The following PARM1 variants were observed in gnomAD, a reference collection of about 807,000 sequenced individuals.
PARM1 encodes WSC4, cell wall integrity and stress response component 4 homolog.
A neutral mutation model predicts 24.6 loss-of-function variants in PARM1; 14 were observed. The ratio of observed to expected loss-of-function variants is 0.57; its 90% confidence interval spans 0.38 to 0.89. The LOEUF is 0.89. Among genes scored for constraint, PARM1 ranks in the 40% least tolerant of loss-of-function variants. The pLI, the probability that PARM1 is intolerant of heterozygous loss-of-function variation, is 0.00. For synonymous variants in PARM1, 179 were observed against 156.6 expected, an observed-to-expected ratio of 1.14 and a Z score of -1.07; for missense variants, 362 against 380.4, an observed-to-expected ratio of 0.95 and a Z score of 0.40.
intron 1 of PARM1, among the ~76,000 whole-genome samples, chr4:74,939,034 A>G (rs554332054): frequency 4.0e-4 from 61 of 152,338 alleles, no homozygotes; most frequent in Non-Finnish European, 7.1e-4. Flanking sequence ...AGTACATTCT[A>G]TGCAATATTT....
intron 1 of PARM1, among the ~76,000 whole-genome samples, chr4:74,996,504 G>A (rs970212837): frequency 2.6e-5 from 4 of 152,170 alleles, no homozygotes; most frequent in Admixed American, 6.5e-5. Flanking sequence ...TGGGCAGTGG[G>A]GAGTTGCTTA....
chr4:74,952,057 G>A (rs1479307302), intron 1 of PARM1, among the ~76,000 whole-genome samples: 1 of 152,192 alleles, frequency 6.6e-6, no homozygotes, highest in Non-Finnish European at 1.5e-5. Context: ...CCCACCAACA[G>A]TGTAAAAGCG....
intron 1 of PARM1, chr4:74,997,657 G>C (rs1722600049): frequency 6.6e-6 from 1 of 152,204 alleles, no homozygotes; most frequent in South Asian, 2.1e-4. Flanking sequence ...CAGAGGACTG[G>C]AATGCAGGAG....
chr4:75,020,268 G>A (rs939233540), intron 2 of PARM1, among the ~76,000 whole-genome samples: 3 of 152,094 alleles, frequency 2.0e-5, no homozygotes, highest in Non-Finnish European at 4.4e-5. Context: ...CTTACGCTCA[G>A]CTTTACAAAT....
chr4:75,018,149 G>A (rs115500394), intron 2 of PARM1, among the ~76,000 whole-genome samples: 137 of 152,326 alleles, frequency 9.0e-4, no homozygotes, highest in African/African-American at 3.0e-3. Context: ...TTATAGCCAT[G>A]AGTAATACAG....
intron 3 of PARM1, among the ~76,000 whole-genome samples, chr4:75,035,593 C>T (rs1276631640): frequency 6.6e-6 from 1 of 152,298 alleles, no homozygotes; most frequent in South Asian, 2.1e-4. Flanking sequence ...CATCCCCACT[C>T]GCCACCCAGC....
At chr4:75,000,595 CT>C (rs928620665) in intron 1 of PARM1, among the ~76,000 whole-genome samples, 25 of 152,218 alleles carry the variant, frequency 1.6e-4, no homozygotes, top group African/African-American at 5.8e-4. Flanking sequence ...TTATATATTG[CT>C]TTTATAAAGA....
At chr4:74,941,970 G>A (rs1441385808) in intron 1 of PARM1, among the ~76,000 whole-genome samples, 1 of 152,200 alleles carries the variant, frequency 6.6e-6, no homozygotes, top group Non-Finnish European at 1.5e-5. Flanking sequence ...GCAATATGGT[G>A]TGCTAACAGA....
intron 1 of PARM1, among the ~76,000 whole-genome samples, chr4:74,951,933 A>C (rs1721533607): frequency 6.6e-6 from 1 of 152,214 alleles, no homozygotes; most frequent in African/African-American, 2.4e-5. Context: ...AATGATTTAT[A>C]ATCCTTTTGA....
At chr4:74,944,052 A>G (rs1035352971) in intron 1 of PARM1, among the ~76,000 whole-genome samples, 1 of 152,186 alleles carries the variant, frequency 6.6e-6, no homozygotes, top group Non-Finnish European at 1.5e-5. Flanking sequence ...GGGGGAAGGA[A>G]GCACTTGTCA....
At chr4:74,974,378 C>T (rs138152211) in intron 1 of PARM1, among the ~76,000 whole-genome samples, 1 of 152,258 alleles carries the variant, frequency 6.6e-6, no homozygotes, top group African/African-American at 2.4e-5. Context: ...GCAGTGACAC[C>T]CTAGGAGGAT....
Position 75,013,156 on chromosome 4 carries a change from T to A in PARM1, c.769+6T>A, listed in dbSNP as rs772233608. On this transcript the variant is annotated splice_donor_region_variant and intron_variant, in intron 2 of 3. Transcript: ENST00000307428. ...AGAACATGCATTAAGTTCAGGTGAG[T>A]CTCTATCCAGTCCACTAGTTTTCTT... 2.5e-6 allele frequency: 4 copies of A among 1,606,214 alleles called. No homozygotes were observed. The highest frequency in any genetic ancestry group is 3.4e-6 in the Non-Finnish European group (4 of 1,176,058).
At chr4:75,039,023 T>G (rs947553109) in intron 3 of PARM1, among the ~76,000 whole-genome samples, 1 of 152,228 alleles carries the variant, frequency 6.6e-6, no homozygotes, top group Non-Finnish European at 1.5e-5. Flanking sequence ...TTGCTTTATG[T>G]CTTCTAGTGA....
chr4:74,962,191 G>GT (rs1195833292), intron 1 of PARM1, among the ~76,000 whole-genome samples: 1 of 152,142 alleles, frequency 6.6e-6, no homozygotes, highest in African/African-American at 2.4e-5. Flanking sequence ...TTGGAGCAGA[G>GT]TTTTTGTATG....
At position 74,995,329 on chromosome 4, in the gene PARM1, T is replaced by A. The variant is rs1168991212; in HGVS notation, c.44-17096T>A. Among the ~76,000 whole-genome samples, 4 of 152,094 alleles carry A rather than the reference T, an allele frequency of 2.6e-5. No individual in the cohort carries two copies. The East Asian group carries it at 7.7e-4, about 29-fold the overall frequency. On this transcript the variant is annotated intron_variant, in intron 1 of 3. Coordinates refer to ENST00000307428, the MANE Select transcript of PARM1 (RefSeq NM_015393.4). Reference sequence around the variant, plus strand: ...CCATCATGGGGTAGATTGAGTGAGATGTGATGAGATTGTGGACAAAGGAAA... The same window carrying A: ...CCATCATGGGGTAGATTGAGTGAGAAGTGATGAGATTGTGGACAAAGGAAA...
chr4:74,969,808 T>C (rs1721986864), intron 1 of PARM1: 1 of 152,238 alleles, frequency 6.6e-6, no homozygotes, highest in Admixed American at 6.5e-5. Flanking sequence ...CTATCAGCTA[T>C]CACCCAGCAG....
At chr4:75,014,379 T>A (rs1368902130) in intron 2 of PARM1, among the ~76,000 whole-genome samples, 2 of 151,948 alleles carry the variant, frequency 1.3e-5, no homozygotes, top group Admixed American at 1.3e-4. Flanking sequence ...GAGACTGGGA[T>A]AAAGGAACTA....
chr4:74,944,849 C>T (rs753558737), intron 1 of PARM1, among the ~76,000 whole-genome samples: 9 of 152,068 alleles, frequency 5.9e-5, no homozygotes, highest in Non-Finnish European at 1.2e-4. Context: ...GTTTCAATGA[C>T]GGTTTTTTAA....
chr4:75,032,528 GGAGATTCATCACTTTT>G (rs1723293361), intron 2 of PARM1, among the ~76,000 whole-genome samples: 1 of 152,108 alleles, frequency 6.6e-6, no homozygotes, highest in Non-Finnish European at 1.5e-5. Context: ...AAAATATGGG[GGAGATTCATCACTTTT>G]GAGACCTAGT....
Sources: allele counts gnomAD v4.1 joint callset (sites outside exome capture counted in the v4.1 genomes callset), GRCh38; gene constraint gnomAD v4.1.1; transcripts MANE v1.5; gene names NCBI Gene and HGNC (gene_info 2026-07-23, HGNC 2026-07-21).